MITF: variants seen among roughly 807,000 people sequenced by gnomAD.
The protein encoded by MITF is microphthalmia-associated transcription factor.
In MITF, 17 loss-of-function variants were observed where a neutral mutation model predicts 60.5. The observed-to-expected ratio is 0.28, with a 90% confidence interval of 0.19 to 0.42. MITF has a LOEUF of 0.42. Among genes scored for constraint, MITF ranks in the 10% least tolerant of loss-of-function variants. The probability of loss-of-function intolerance (pLI) is 1.00; values close to 1 mark genes in which losing one functional copy is unlikely to be tolerated. For missense variants in MITF, 622 were observed against 683.5 expected (o/e 0.91, Z 1.00); for synonymous variants, 260 against 248.5 (o/e 1.05, Z -0.43).
intron 1 of MITF, among the ~76,000 whole-genome samples, chr3:69,794,408 G>A (rs1256916329): frequency 6.6e-6 from 1 of 152,126 alleles, no homozygotes; most frequent in Non-Finnish European, 1.5e-5. Flanking sequence ...GCTTTGTGTT[G>A]TTTGACGTGG....
intron 1 of MITF, among the ~76,000 whole-genome samples, chr3:69,868,568 C>G (rs1161891804): frequency 6.6e-6 from 1 of 152,118 alleles, no homozygotes; most frequent in South Asian, 2.1e-4. Flanking sequence ...TTTTCGTCTA[C>G]CAGGTGTATT....
At chr3:69,750,377 G>A (rs940783404) in intron 1 of MITF, among the ~76,000 whole-genome samples, 12 of 132,406 alleles carry the variant, frequency 9.1e-5, no homozygotes, top group Admixed American at 1.6e-4. Context: ...AAACTATAGA[G>A]CTTTCCTTTT....
At chr3:69,852,769 C>T (rs759181654) in intron 1 of MITF, among the ~76,000 whole-genome samples, 3 of 152,130 alleles carry the variant, frequency 2.0e-5, no homozygotes, top group Non-Finnish European at 2.9e-5. Flanking sequence ...GAATTTACAC[C>T]TTCAGGAGCA....
chr3:69,774,562 G>A (rs2062444867), intron 1 of MITF, among the ~76,000 whole-genome samples: 1 of 152,136 alleles, frequency 6.6e-6, no homozygotes, highest in Non-Finnish European at 1.5e-5. Context: ...TTTATCCACT[G>A]ACGCAATGTA....
intron 1 of MITF, among the ~76,000 whole-genome samples, chr3:69,844,648 T>G (rs888234995): frequency 6.6e-6 from 1 of 152,172 alleles, no homozygotes; most frequent in African/African-American, 2.4e-5. Flanking sequence ...AAAGAGCTTC[T>G]GCACAGCAAA....
At chr3:69,780,498 A>T (rs754311320) in intron 1 of MITF, among the ~76,000 whole-genome samples, 14 of 152,216 alleles carry the variant, frequency 9.2e-5, no homozygotes, top group Admixed American at 5.9e-4. Context: ...TGGCTTAAAG[A>T]GATAACTGTT....
At chr3:69,920,595 C>T (rs1171740443) in intron 2 of MITF, among the ~76,000 whole-genome samples, 2 of 152,174 alleles carry the variant, frequency 1.3e-5, no homozygotes, top group Middle Eastern at 3.2e-3. Context: ...CTCTCTGCCT[C>T]AGCTGCCAGG....
intron 1 of MITF, among the ~76,000 whole-genome samples, chr3:69,844,218 C>T (rs2063690792): frequency 6.6e-6 from 1 of 152,076 alleles, no homozygotes; most frequent in Admixed American, 6.6e-5. Flanking sequence ...GTGCATGTGT[C>T]CTTGTAGTAG....
chr3:69,802,220 C>G (rs1395064493), intron 1 of MITF, among the ~76,000 whole-genome samples: 2 of 152,046 alleles, frequency 1.3e-5, no homozygotes, highest in Non-Finnish European at 2.9e-5. Flanking sequence ...ACTGGCATCT[C>G]CTGGGTATAG....
At chr3:69,897,934 A>T (rs1039284686) in intron 2 of MITF, among the ~76,000 whole-genome samples, 1 of 152,224 alleles carries the variant, frequency 6.6e-6, no homozygotes, top group African/African-American at 2.4e-5. Context: ...GTTGAATGGG[A>T]GTTGATATAC....
At chr3:69,855,613 A>C (rs1334430875) in intron 1 of MITF, among the ~76,000 whole-genome samples, 1 of 152,146 alleles carries the variant, frequency 6.6e-6, no homozygotes, top group Non-Finnish European at 1.5e-5. Flanking sequence ...AAGCATTATA[A>C]AGCTGGCTCC....
At chr3:69,923,147 G>A (rs983861652) in intron 2 of MITF, among the ~76,000 whole-genome samples, 6 of 152,226 alleles carry the variant, frequency 3.9e-5, no homozygotes, top group African/African-American at 1.2e-4. Flanking sequence ...AAATAATTCC[G>A]TTGAAAATAT....
intron 1 of MITF, among the ~76,000 whole-genome samples, chr3:69,853,949 C>T (rs1399533130): frequency 1.1e-4 from 17 of 151,522 alleles, no homozygotes; most frequent in Admixed American, 1.1e-3. Context: ...CAACCTTCGC[C>T]TCCCATGTTC....
intron 2 of MITF, among the ~76,000 whole-genome samples, chr3:69,901,849 T>C (rs1000997682): frequency 6.6e-6 from 1 of 152,156 alleles, no homozygotes; most frequent in Non-Finnish European, 1.5e-5. Context: ...CAAGAGTCCA[T>C]GTAGTGTAGG....
In MITF at chr3:69,966,914, T is replaced by G. The variant is rs995848515; in HGVS notation, c.*1666T>G. 5.6e-5 allele frequency: 13 copies of G among 232,498 alleles called. No individual in the cohort carries two copies. The highest frequency in any genetic ancestry group is 6.0e-5 in the Non-Finnish European group (7 of 117,352). 14.4% of individuals were successfully genotyped at this position (232,498 alleles called of 1,614,324 possible). ...GGGGAAAGTTTCATGATGGTATCTA[T>G]AGTCAAGACGAACATGTAGCATGGT... On this transcript the variant is annotated 3_prime_UTR_variant, in exon 10 of 10. Transcript: ENST00000352241.
chr3:69,784,955 C>A (rs1050117611), intron 1 of MITF, among the ~76,000 whole-genome samples: 3 of 151,902 alleles, frequency 2.0e-5, no homozygotes. Context: ...GAGAGACTGG[C>A]GTGGACTGTG....
At chr3:69,959,165 T>TA (rs914388918) in intron 8 of MITF, 108 bp from the exon 9 acceptor site, 333 of 1,328,392 alleles carry the variant, frequency 2.5e-4, no homozygotes, top group Middle Eastern at 3.8e-4. Context: ...ACTATTGAAA[T>TA]AAAAAAAAAT....
intron 1 of MITF, among the ~76,000 whole-genome samples, chr3:69,791,090 G>C (rs2062732566): frequency 6.6e-6 from 1 of 152,186 alleles, no homozygotes; most frequent in Non-Finnish European, 1.5e-5. Flanking sequence ...TAGTCCCAAT[G>C]CCCTTTTTTC....
intron 1 of MITF, among the ~76,000 whole-genome samples, chr3:69,741,392 T>G (rs532958009): frequency 1.3e-5 from 2 of 152,300 alleles, no homozygotes; most frequent in South Asian, 4.1e-4. Flanking sequence ...CCGGACTGTT[T>G]GGAACATTTC....
Sources: gnomAD v4.1 joint callset for allele counts (sites outside exome capture counted in the v4.1 genomes callset) on GRCh38, gnomAD v4.1.1 for gene constraint, MANE v1.5 for transcripts, NCBI Gene and HGNC (gene_info 2026-07-23, HGNC 2026-07-21) for gene names.